Variants in GRM3 observed in about 807,000 individuals in gnomAD.
GRM3 encodes the protein metabotropic glutamate receptor 3.
A neutral mutation model predicts 70.5 loss-of-function variants in GRM3; 26 were observed. The observed-to-expected ratio is 0.37, with a 90% CI of 0.27 to 0.51. The LOEUF is 0.51. Ranked by LOEUF, GRM3 falls within the 20% of genes least tolerant of loss-of-function variation. The probability of loss-of-function intolerance (pLI) is 0.93; values close to 1 mark genes in which losing one functional copy is unlikely to be tolerated. For synonymous variants in GRM3, 443 were observed against 434.9 expected, an observed-to-expected ratio of 1.02 and a Z score of -0.23; for missense variants, 859 against 1,123.8, an observed-to-expected ratio of 0.76 and a Z score of 3.37.
intron 1 of GRM3, among the ~76,000 whole-genome samples, chr7:86,704,199 A>G (rs751355647): frequency 2.0e-5 from 3 of 151,896 alleles, no homozygotes; most frequent in Non-Finnish European, 2.9e-5. Context: ...TCATTTCTTC[A>G]TTGGCATTCA....
At chr7:86,820,301 T>A (rs1009683802) in intron 3 of GRM3, among the ~76,000 whole-genome samples, 1 of 152,102 alleles carries the variant, frequency 6.6e-6, no homozygotes, top group Non-Finnish European at 1.5e-5. Flanking sequence ...ATACTTGCAT[T>A]TACAACAGAC....
chr7:86,839,600 A>C lies in GRM3; in HGVS notation c.2086A>C (p.Ile696Leu), dbSNP rs775321465. 7 of 1,613,698 alleles carry C rather than the reference A, an allele frequency of 4.3e-6. No individual in the cohort carries two copies. The highest frequency in any genetic ancestry group is 5.9e-6 in the Non-Finnish European group (7 of 1,179,922). ...SSQVFICLGL[I>L]LVQIVMVSVW... ...TCAGGTTTTCATCTGCCTGGGTCTG[A>C]TCCTGGTGCAAATTGTGATGGTGTC... Residue 696 changes from isoleucine to leucine, a missense_variant, in exon 4 of 6, where the codon ATC (isoleucine) becomes CTC (leucine). Ile to Leu is a conservative substitution (Grantham distance 5). Transcript: ENST00000361669. The surrounding 1 kb of genome is among the most constrained non-coding windows in gnomAD (Gnocchi z 4.5).
At chr7:86,808,595 GGTGTCT>G (rs1486008480) in intron 3 of GRM3, among the ~76,000 whole-genome samples, 1 of 151,740 alleles carries the variant, frequency 6.6e-6, no homozygotes, top group Admixed American at 6.6e-5. Flanking sequence ...CAGGTAGAGG[GGTGTCT>G]GTGTGTGTTT....
At chr7:86,717,116 T>C (rs117612006) in intron 1 of GRM3, among the ~76,000 whole-genome samples, 2 of 152,100 alleles carry the variant, frequency 1.3e-5, no homozygotes, top group Non-Finnish European at 2.9e-5. Context: ...ATGTTAGCTA[T>C]TTGTCCCATT....
At chr7:86,769,060 C>T (rs1796675657) in intron 2 of GRM3, among the ~76,000 whole-genome samples, 1 of 151,908 alleles carries the variant, frequency 6.6e-6, no homozygotes, top group South Asian at 2.1e-4. Context: ...AATTTAAGGC[C>T]CTCTTTTACA....
intron 3 of GRM3, among the ~76,000 whole-genome samples, chr7:86,835,570 C>T (rs1326511717): frequency 1.3e-5 from 2 of 152,120 alleles, no homozygotes; most frequent in African/African-American, 2.4e-5. Flanking sequence ...TATATATATA[C>T]ATATATGACA....
chr7:86,801,919 C>A (rs982681922), intron 3 of GRM3, among the ~76,000 whole-genome samples: 2 of 151,942 alleles, frequency 1.3e-5, no homozygotes, highest in Non-Finnish European at 2.9e-5. Flanking sequence ...GTGTTTTAGT[C>A]CCCTTGTATA....
rs567778588 is a variant in GRM3 at position 86,659,503 on chromosome 7, C to G, written c.-141+14631C>G. Among the ~76,000 whole-genome samples the G allele has an allele frequency of 2.4e-4, 36 of 152,174 alleles. No individual in the cohort carries two copies. The South Asian group carries it at 4.3e-3, about 18-fold the overall frequency. ...ATCTGGCATTTGGCTCCAGAGCTTA[C>G]GAATTTGACCAGTTGAATATATTGC... On this transcript the variant is annotated intron_variant, in intron 1 of 5. Coordinates refer to ENST00000361669, the MANE Select transcript of GRM3 (RefSeq NM_000840.3).
chr7:86,863,729 GT>G (rs1799003200), intron 5 of GRM3, among the ~76,000 whole-genome samples: 1 of 152,160 alleles, frequency 6.6e-6, no homozygotes, highest in African/African-American at 2.4e-5. Flanking sequence ...ACTGAAAACA[GT>G]AAATAATTTA....
At chr7:86,708,124 T>C (rs912994693) in intron 1 of GRM3, among the ~76,000 whole-genome samples, 2 of 152,178 alleles carry the variant, frequency 1.3e-5, no homozygotes, top group Non-Finnish European at 2.9e-5. Context: ...TAATTAACTA[T>C]GGCACTGTGT....
chr7:86,748,973 A>G (rs1796168446), intron 1 of GRM3, among the ~76,000 whole-genome samples: 1 of 152,074 alleles, frequency 6.6e-6, no homozygotes. Flanking sequence ...ATACCCAAAG[A>G]TCATTCAAAA....
At chr7:86,716,655 C>T (rs1161294189) in intron 1 of GRM3, among the ~76,000 whole-genome samples, 1 of 149,736 alleles carries the variant, frequency 6.7e-6, no homozygotes, top group Non-Finnish European at 1.5e-5. Flanking sequence ...AGTGCAATAA[C>T]CCAATTGGCC....
chr7:86,823,802 T>C (rs1258242637), intron 3 of GRM3, among the ~76,000 whole-genome samples: 1 of 152,104 alleles, frequency 6.6e-6, no homozygotes, highest in Non-Finnish European at 1.5e-5. Context: ...TTCTCTGATA[T>C]GACAGCTAGA....
intron 1 of GRM3, among the ~76,000 whole-genome samples, chr7:86,730,048 A>C (rs1467620867): frequency 1.3e-5 from 2 of 152,174 alleles, no homozygotes; most frequent in Non-Finnish European, 2.9e-5. Flanking sequence ...CGGAGGTTGC[A>C]GTGAGCCGTG....
chr7:86,670,571 C>A (rs758181095), intron 1 of GRM3, among the ~76,000 whole-genome samples: 3 of 152,172 alleles, frequency 2.0e-5, no homozygotes, highest in Non-Finnish European at 4.4e-5. Context: ...TCTTTTCAAT[C>A]CTCATATTCA....
chr7:86,716,058 C>A (rs78713218), intron 1 of GRM3, among the ~76,000 whole-genome samples: 4,670 of 152,060 alleles, frequency 0.031, 91 homozygotes, highest in East Asian at 0.062. Flanking sequence ...AATTAACATA[C>A]CTTCTTTGCA....
intron 3 of GRM3, among the ~76,000 whole-genome samples, chr7:86,790,807 A>G (rs2116571564): frequency 6.6e-6 from 1 of 152,080 alleles, no homozygotes; most frequent in East Asian, 1.9e-4. Flanking sequence ...ATTCATGTAA[A>G]TGTTATCTTC....
At chr7:86,825,352 C>G (rs1463014162) in intron 3 of GRM3, among the ~76,000 whole-genome samples, 1 of 152,180 alleles carries the variant, frequency 6.6e-6, no homozygotes, top group Non-Finnish European at 1.5e-5. Context: ...GATGATGTAG[C>G]TTTGGAATTT....
In GRM3 at chr7:86,830,980, G is replaced by A. The variant is rs76809816; in HGVS notation, c.1325-7859G>A. ...AAGCCAAGGAACACCGAAGATTGCC[G>A]GCATACCACCAGGAGCTAAGAGAGA... On this transcript the variant is annotated intron_variant, in intron 3 of 5. Transcript: ENST00000361669. Among the ~76,000 whole-genome samples the A allele has an allele frequency of 9.9e-5, 15 of 152,216 alleles. 1 individual carries two copies. In the South Asian group the frequency reaches 1.5e-3, roughly 15 times the overall value.
Sources: allele counts gnomAD v4.1 joint callset (sites outside exome capture counted in the v4.1 genomes callset), GRCh38; gene constraint gnomAD v4.1.1; non-coding constraint Gnocchi (gnomAD v3.1); transcripts MANE v1.5; gene names NCBI Gene and HGNC (gene_info 2026-07-23, HGNC 2026-07-21).